The following PCDHGA1 variants were observed in gnomAD, a reference collection of about 807,000 sequenced individuals.
PCDHGA1 encodes protocadherin gamma subfamily A, 1.
Under a neutral mutation model 58.0 loss-of-function variants are expected in PCDHGA1, and 32 were observed. That is an observed-to-expected ratio of 0.55 (90% confidence interval 0.42 to 0.74). The LOEUF (loss-of-function observed/expected upper bound fraction) is 0.74. Ranked by LOEUF, PCDHGA1 falls within the 30% of genes least tolerant of loss-of-function variation. PCDHGA1 has a pLI of 0.00. For missense variants in PCDHGA1, 1,205 were observed against 1,182.3 expected (o/e 1.02, Z -0.28); for synonymous variants, 498 against 501.1 (o/e 0.99, Z 0.08).
intron 1 of PCDHGA1, chr5:141,365,241 T>C: frequency 6.2e-7 from 1 of 1,614,002 alleles, no homozygotes; most frequent in Non-Finnish European, 8.5e-7. Context: ...ATCTCAACTC[T>C]ACAATCACTG....
chr5:141,341,909 T>C (rs1757098166), intron 1 of PCDHGA1: 1 of 159,370 alleles, frequency 6.3e-6, no homozygotes, highest in African/African-American at 2.4e-5. Flanking sequence ...TTGTTTTCCT[T>C]AACTTGCATG....
chr5:141,417,721 C>A, intron 1 of PCDHGA1: 2 of 1,330,572 alleles, frequency 1.5e-6, no homozygotes, highest in Non-Finnish European at 2.0e-6. Context: ...CCCGGCTGCG[C>A]AGACCTTGCC....
At chr5:141,339,104 G>T in intron 1 of PCDHGA1, 1 of 1,614,230 alleles carries the variant, frequency 6.2e-7, no homozygotes, top group Non-Finnish European at 8.5e-7. Context: ...AGGCTCCTTC[G>T]TAGGCAACAT....
chr5:141,460,157 C>T (rs1388985005), intron 1 of PCDHGA1, among the ~76,000 whole-genome samples: 1 of 151,968 alleles, frequency 6.6e-6, no homozygotes, highest in Admixed American at 6.6e-5. Context: ...CTCTTTGTCA[C>T]ATACATATTT....
chr5:141,344,015 G>C (rs758846565), intron 1 of PCDHGA1: 8 of 1,514,446 alleles, frequency 5.3e-6, no homozygotes, highest in Non-Finnish European at 8.8e-7. Context: ...TTCAGAGAAA[G>C]CGATTCACCG....
Position 141,491,103 on chromosome 5 carries a change from G to C in PCDHGA1, c.2422-3704G>C. 1 of 1,614,162 alleles carries C rather than the reference G, an allele frequency of 6.2e-7. No individual in the cohort carries two copies. Among genetic ancestry groups the C allele is most frequent in the South Asian group, 1.1e-5 (1 of 91,082 alleles). On this transcript the variant is annotated intron_variant, in intron 1 of 3. Transcript: ENST00000517417. The surrounding 1 kb of genome is among the most constrained non-coding windows in gnomAD (Gnocchi z 6.9). ...CCACAGCCCCAGGACTGTTCCTCGT[G>C]TCTACACACACTGGTGAGGTGCGCA... is the stretch of plus-strand genomic sequence containing the variant.
intron 1 of PCDHGA1, among the ~76,000 whole-genome samples, chr5:141,488,870 G>T (rs2099680071): frequency 6.6e-6 from 1 of 152,224 alleles, no homozygotes; most frequent in African/African-American, 2.4e-5. Context: ...TGAGTGGGGA[G>T]GTAGGAAGCT....
At position 141,331,540 on chromosome 5, in the gene PCDHGA1, C is replaced by A; in HGVS notation, c.856C>A (p.His286Asn). The A allele has an allele frequency of 6.2e-7, 1 of 1,614,096 alleles. No individual in the cohort carries two copies. Among genetic ancestry groups the A allele is most frequent in the Non-Finnish European group, 8.5e-7 (1 of 1,180,046 alleles). Residue 286 changes from histidine (H) to asparagine (N), a missense_variant, in exon 1 of 4, where the codon CAC becomes AAC. Coordinates refer to ENST00000517417, the MANE Select transcript of PCDHGA1 (RefSeq NM_018912.3). Reference sequence around the variant, plus strand: ...AACGTACTCCTTTCACAATGTAGACCACAGAGTGGCCCAAATATTTCGTTT... The same window carrying A: ...AACGTACTCCTTTCACAATGTAGACAACAGAGTGGCCCAAATATTTCGTTT... ...EVTYSFHNVD[H>N]RVAQIFRLDS...
chr5:141,359,488 T>C (rs1295415918), intron 1 of PCDHGA1, among the ~76,000 whole-genome samples: 2 of 151,294 alleles, frequency 1.3e-5, no homozygotes, highest in Non-Finnish European at 2.9e-5. Context: ...TATATTCATA[T>C]TACGGACTAC....
chr5:141,403,766 G>A (rs1371539458), intron 1 of PCDHGA1: 2 of 1,613,864 alleles, frequency 1.2e-6, no homozygotes, highest in East Asian at 2.2e-5. Context: ...CCTGGATGAG[G>A]GAATCAACGG....
At chr5:141,416,434 A>G (rs2096024040) in intron 1 of PCDHGA1, 1 of 152,222 alleles carries the variant, frequency 6.6e-6, no homozygotes, top group African/African-American at 2.4e-5. Context: ...CTAAGGCTGA[A>G]AGTAAATATG....
intron 1 of PCDHGA1, chr5:141,430,634 C>G: frequency 1.1e-6 from 1 of 882,730 alleles, no homozygotes; most frequent in Non-Finnish European, 1.7e-6. Flanking sequence ...TGAACCATCC[C>G]TGGGAGTATG....
At chr5:141,395,558 G>T (rs60237573) in intron 1 of PCDHGA1, 12 of 127,934 alleles carry the variant, frequency 9.4e-5, no homozygotes, top group African/African-American at 5.1e-4. Context: ...GTGTGTGTGT[G>T]TGTGTGTGTG....
intron 1 of PCDHGA1, among the ~76,000 whole-genome samples, chr5:141,454,907 A>T (rs1304287479): frequency 1.4e-5 from 2 of 139,080 alleles, no homozygotes; most frequent in East Asian, 4.3e-4. Context: ...TCCCGGGTTC[A>T]CGCCATTCTC....
At chr5:141,357,776 T>C (rs1045078426) in intron 1 of PCDHGA1, 19 of 906,498 alleles carry the variant, frequency 2.1e-5, no homozygotes, top group Non-Finnish European at 2.8e-5. Flanking sequence ...CCAATAATGA[T>C]CAACAGTATT....
At position 141,489,728 on chromosome 5, in the gene PCDHGA1, G is replaced by T; in HGVS notation, c.2422-5079G>T. ...GACAGTGCCCAGGATCCGGATGTGGGCACCAATACTGTGAGCTTTTACACT... is the reference window on the plus strand; with the variant it reads ...GACAGTGCCCAGGATCCGGATGTGGTCACCAATACTGTGAGCTTTTACACT... On this transcript the variant is annotated intron_variant, in intron 1 of 3. Transcript: ENST00000517417. The surrounding 1 kb of genome is among the most constrained non-coding windows in gnomAD (Gnocchi z 4.5). The T allele has an allele frequency of 3.1e-6, 5 of 1,614,138 alleles. No homozygotes were observed. The South Asian group carries it at 5.5e-5, about 18-fold the overall frequency.
chr5:141,477,779 A>C lies in PCDHGA1; in HGVS notation c.2422-17028A>C. ...CCTAGCCACCAACATCAGCGTGAAC[A>C]TATTTGTCACTGATCGCAATGACAA... is the stretch of plus-strand genomic sequence containing the variant. On this transcript the variant is annotated intron_variant, in intron 1 of 3. Transcript: ENST00000517417. The surrounding 1 kb of genome is among the most constrained non-coding windows in gnomAD (Gnocchi z 4.9). 1.2e-6 allele frequency: 2 copies of C among 1,614,012 alleles called. No individual in the cohort carries two copies. Among genetic ancestry groups the C allele is most frequent in the Non-Finnish European group, 1.7e-6 (2 of 1,180,020 alleles).
intron 1 of PCDHGA1, chr5:141,423,297 C>T: frequency 1.9e-6 from 3 of 1,614,170 alleles, no homozygotes; most frequent in South Asian, 1.1e-5. Flanking sequence ...CCTCAGACCT[C>T]TCGCTGTACT....
At chr5:141,400,064 G>A in intron 1 of PCDHGA1, 1 of 1,613,770 alleles carries the variant, frequency 6.2e-7, no homozygotes, top group Non-Finnish European at 8.5e-7. Context: ...CGTGATGGTG[G>A]ACAGCCGCCA....
Sources: allele counts gnomAD v4.1 joint callset (sites outside exome capture counted in the v4.1 genomes callset), GRCh38; gene constraint gnomAD v4.1.1; non-coding constraint Gnocchi (gnomAD v3.1); transcripts MANE v1.5; gene names NCBI Gene and HGNC (gene_info 2026-07-23, HGNC 2026-07-21).